FHOD3: variants seen among roughly 807,000 people sequenced by gnomAD.
FHOD3 encodes the protein formin homology 2 domain containing 3, also known as FH1/FH2 domain-containing protein 3.
FHOD3 carries 90 observed loss-of-function variants against 173.0 expected under a neutral mutation model. That is an observed-to-expected ratio of 0.52 (90% confidence interval 0.44 to 0.62). The LOEUF (loss-of-function observed/expected upper bound fraction) is 0.62. Ranked by LOEUF, FHOD3 falls within the 20% of genes least tolerant of loss-of-function variation. The pLI, the probability that FHOD3 is intolerant of heterozygous loss-of-function variation, is 0.00. For synonymous variants in FHOD3, 828 were observed against 823.0 expected, an observed-to-expected ratio of 1.01 and a Z score of -0.10; for missense variants, 1,945 against 2,034.7, an observed-to-expected ratio of 0.96 and a Z score of 0.85.
At chr18:36,667,628 C>G (rs1195082734) in intron 14 of FHOD3, among the ~76,000 whole-genome samples, 1 of 151,940 alleles carries the variant, frequency 6.6e-6, no homozygotes, top group Non-Finnish European at 1.5e-5. Flanking sequence ...GGTAAAAATA[C>G]AGTATTAAAG....
chr18:36,743,939 G>T, intron 22 of FHOD3, 93 bp from the exon 23 acceptor site: 1 of 1,381,106 alleles, frequency 7.2e-7, no homozygotes, highest in Non-Finnish European at 1.0e-6. Context: ...ACTGAATGTT[G>T]GGTGACTGCA....
intron 18 of FHOD3, among the ~76,000 whole-genome samples, chr18:36,712,750 C>T (rs907010286): frequency 6.6e-6 from 1 of 151,430 alleles, no homozygotes; most frequent in Admixed American, 6.6e-5. Flanking sequence ...GGTATAAACT[C>T]ATAAATTTAG....
At chr18:36,585,742 A>C (rs529984029) in intron 6 of FHOD3, among the ~76,000 whole-genome samples, 55 of 152,322 alleles carry the variant, frequency 3.6e-4, no homozygotes, top group African/African-American at 1.3e-3. Context: ...CTAAGGGTGC[A>C]CCTTTGACTC....
At chr18:36,373,833 T>A (rs1373014774) in intron 3 of FHOD3, among the ~76,000 whole-genome samples, 1 of 152,198 alleles carries the variant, frequency 6.6e-6, no homozygotes, top group Non-Finnish European at 1.5e-5. Flanking sequence ...AATCGTGGCT[T>A]TTTTATTACC....
At chr18:36,426,034 A>T (rs1485464866) in intron 3 of FHOD3, among the ~76,000 whole-genome samples, 1 of 151,060 alleles carries the variant, frequency 6.6e-6, no homozygotes, top group Non-Finnish European at 1.5e-5. Flanking sequence ...CCTCCCCAGC[A>T]GCTGGGACTA....
chr18:36,627,638 G>C (rs1024911025), intron 10 of FHOD3, among the ~76,000 whole-genome samples: 5 of 151,114 alleles, frequency 3.3e-5, no homozygotes, highest in African/African-American at 1.2e-4. Context: ...TGTAAAGATA[G>C]GTGATGTTTT....
intron 8 of FHOD3, 74 bp from the exon 9 acceptor site, chr18:36,611,878 C>A: frequency 7.0e-7 from 1 of 1,424,164 alleles, no homozygotes; most frequent in Non-Finnish European, 9.5e-7. Context: ...CTGGATTAGG[C>A]ATTGGAAAAT....
rs1368708125 is a variant in FHOD3 at position 36,663,077 on chromosome 18, G to A, written c.1835+4889G>A. Among the ~76,000 whole-genome samples the A allele has an allele frequency of 3.3e-5, 5 of 152,052 alleles. No individual in the cohort carries two copies. In the East Asian group the frequency reaches 9.6e-4, roughly 29 times the overall value. On this transcript the variant is annotated intron_variant, in intron 14 of 28. Coordinates refer to ENST00000590592, the MANE Select transcript of FHOD3 (RefSeq NM_001281740.3). ...CATGTAGAAACATTCAATTTCATGAGTAAATCTTTTCTATTTTCATGATTT... is the reference window on the plus strand; with the variant it reads ...CATGTAGAAACATTCAATTTCATGAATAAATCTTTTCTATTTTCATGATTT...
intron 3 of FHOD3, among the ~76,000 whole-genome samples, chr18:36,401,501 C>T (rs532688930): frequency 6.6e-6 from 1 of 152,240 alleles, no homozygotes; most frequent in South Asian, 2.1e-4. Flanking sequence ...CTTCCAAGAG[C>T]ATGAGAAGGA....
chr18:36,685,219 C>G (rs2038528012), intron 15 of FHOD3, among the ~76,000 whole-genome samples: 1 of 152,182 alleles, frequency 6.6e-6, no homozygotes, highest in African/African-American at 2.4e-5. Flanking sequence ...ACCATTTGCT[C>G]TTGATTTCAA....
intron 17 of FHOD3, among the ~76,000 whole-genome samples, chr18:36,704,679 C>G (rs16968209): frequency 1.3e-5 from 2 of 152,186 alleles, no homozygotes; most frequent in African/African-American, 4.8e-5. Flanking sequence ...CGGGCCTTCA[C>G]TGTTCTCTCC....
rs559805670 is a variant in FHOD3, at chr18:36,554,713, G to A, written c.512-21738G>A. Among the ~76,000 whole-genome samples, 122 of 152,204 alleles carry A rather than the reference G, an allele frequency of 8.0e-4. 1 individual carries two copies. The highest frequency in any genetic ancestry group is 2.7e-3 in the African/African-American group (114 of 41,538). The stretch of plus-strand genomic sequence containing the variant: ...ACCAATGCAGCCATCTAGTCCTAGC[G>A]ATCCCTTTCTGGTAAAAATTTAACT... On this transcript the variant is annotated intron_variant, in intron 5 of 28. Transcript: ENST00000590592.
At chr18:36,706,537 T>C (rs2039889630) in intron 17 of FHOD3, among the ~76,000 whole-genome samples, 1 of 152,208 alleles carries the variant, frequency 6.6e-6, no homozygotes, top group Admixed American at 6.5e-5. Flanking sequence ...GCGTGTCTGT[T>C]AGCACACCTG....
intron 3 of FHOD3, among the ~76,000 whole-genome samples, chr18:36,459,099 T>C (rs768596201): frequency 1.3e-5 from 2 of 152,218 alleles, no homozygotes; most frequent in Non-Finnish European, 2.9e-5. Context: ...TTTCCCACAC[T>C]GTGTTTCTTT....
intron 11 of FHOD3, among the ~76,000 whole-genome samples, chr18:36,651,808 C>T (rs2036073353): frequency 6.6e-6 from 1 of 152,042 alleles, no homozygotes; most frequent in African/African-American, 2.4e-5. Flanking sequence ...TATATGTATA[C>T]ATTGCATAAT....
intron 28 of FHOD3, among the ~76,000 whole-genome samples, chr18:36,776,804 AG>A (rs2043688912): frequency 2.0e-5 from 3 of 152,166 alleles, no homozygotes; most frequent in Admixed American, 1.3e-4. Flanking sequence ...CACGAGGGAG[AG>A]GGCACAGGCT....
chr18:36,604,834 A>G (rs1042907603), intron 8 of FHOD3, among the ~76,000 whole-genome samples: 3 of 152,228 alleles, frequency 2.0e-5, no homozygotes, highest in African/African-American at 7.2e-5. Flanking sequence ...GCAAATGACA[A>G]ACTAGGAAAT....
At chr18:36,470,758 C>T (rs748536707) in intron 3 of FHOD3, among the ~76,000 whole-genome samples, 21 of 152,320 alleles carry the variant, frequency 1.4e-4, no homozygotes, top group African/African-American at 3.8e-4. Flanking sequence ...GATTCCCGCT[C>T]CGCGCTGGGA....
Position 36,709,188 on chromosome 18 carries a change from C to T in FHOD3, c.2330C>T (p.Ala777Val). The change falls in exon 18 of 29, where the codon GCC becomes GTC. Residue 777 changes from alanine to valine, a missense_variant. By Grantham distance (64) the Ala-to-Val change is moderately conservative. Around this residue, in one of 5 missense-constraint regions of FHOD3, gnomAD observed 1,099 missense variants for 1,051.2 expected, o/e 1.05. Transcript: ENST00000590592. ...QVADEAGQDIASAHEGAETEV... is the reference protein window; with the variant it reads ...QVADEAGQDIVSAHEGAETEV... ...GCTGATGAAGCTGGCCAGGACATAG[C>T]CTCTGCCCACGAGGGTGCAGAGACT... 6.2e-7 allele frequency: 1 copy of T among 1,614,166 alleles called. No homozygotes were observed. Among genetic ancestry groups the T allele is most frequent in the Non-Finnish European group, 8.5e-7 (1 of 1,180,042 alleles).
Sources: allele counts gnomAD v4.1 joint callset (sites outside exome capture counted in the v4.1 genomes callset), GRCh38; gene constraint gnomAD v4.1.1; regional missense constraint gnomAD v4.1.1; transcripts MANE v1.5; gene names NCBI Gene and HGNC (gene_info 2026-07-23, HGNC 2026-07-21).